The following RFPL4AL1 variants were observed in gnomAD, a reference collection of about 807,000 sequenced individuals.
RFPL4AL1 encodes the protein ret finger protein-like 4A-like protein 1.
In RFPL4AL1, 2 loss-of-function variants were observed where a neutral mutation model predicts 8.2. The observed-to-expected ratio is 0.24, with a 90% CI of 0.10 to 0.77. RFPL4AL1 has a LOEUF of 0.77. Ranked by LOEUF, RFPL4AL1 falls within the 30% of genes least tolerant of loss-of-function variation. The pLI, the probability that RFPL4AL1 is intolerant of heterozygous loss-of-function variation, is 0.72. For missense variants in RFPL4AL1, 57 were observed against 350.3 expected, an observed-to-expected ratio of 0.16 and a Z score of 6.68; for synonymous variants, 25 against 131.8, an observed-to-expected ratio of 0.19 and a Z score of 5.55.
chr19:55,771,700 T>A (rs1223283706), intron 1 of RFPL4AL1, 96 bp from the exon 2 acceptor site: 1 of 1,260,188 alleles, frequency 7.9e-7, no homozygotes, highest in Non-Finnish European at 1.1e-6. Flanking sequence ...GGTGCCATGA[T>A]AGCTCCATGC....
Position 55,770,997 on chromosome 19 carries a change from G to A in RFPL4AL1, c.-9-799G>A, listed in dbSNP as rs62127016. Among the ~76,000 whole-genome samples, 505 of 151,538 alleles carry A rather than the reference G, an allele frequency of 3.3e-3. 6 individuals are homozygous for A. The highest frequency in any genetic ancestry group is 5.0e-3 in the Non-Finnish European group (342 of 67,808). On this transcript the variant is annotated intron_variant, in intron 1 of 2. Transcript: ENST00000341750. Reference sequence around the variant, plus strand: ...TTTGGCTTTTTTTTCTTTTTGCTACGGCCTTGAAAATATTCCTTATATATT... The same window carrying A: ...TTTGGCTTTTTTTTCTTTTTGCTACAGCCTTGAAAATATTCCTTATATATT...
chr19:55,770,551 T>C (rs1304274280), intron 1 of RFPL4AL1, among the ~76,000 whole-genome samples: 2 of 151,844 alleles, frequency 1.3e-5, no homozygotes, highest in African/African-American at 4.8e-5. Flanking sequence ...AAAGCAGAGA[T>C]TTTTTAGAAT....
At position 55,771,294 on chromosome 19, in the gene RFPL4AL1, T is replaced by G. The variant is rs1301166946; in HGVS notation, c.-9-502T>G. On this transcript the variant is annotated intron_variant, in intron 1 of 2. Coordinates refer to ENST00000341750, the MANE Select transcript of RFPL4AL1 (RefSeq NM_001277397.2). ...ACCCATATATGTAATTGTAAATTCA[T>G]TTTCTGGTAGTCACATAAAATAGAA... Among the ~76,000 whole-genome samples the G allele has an allele frequency of 4.2e-3, 623 of 149,328 alleles. 3 individuals are homozygous for G. Among genetic ancestry groups the G allele is most frequent in the African/African-American group, 0.014 (541 of 38,806 alleles).
intron 1 of RFPL4AL1, among the ~76,000 whole-genome samples, chr19:55,770,574 C>A (rs1331370852): frequency 6.6e-6 from 1 of 151,834 alleles, no homozygotes; most frequent in African/African-American, 2.4e-5. Context: ...GTGAGGTACC[C>A]ATTTTTGTAC....
At chr19:55,769,728 T>C (rs910483399) in intron 1 of RFPL4AL1, among the ~76,000 whole-genome samples, 4 of 151,850 alleles carry the variant, frequency 2.6e-5, no homozygotes, top group African/African-American at 9.7e-5. Context: ...TCGCTCTGTC[T>C]GCCAGGCTGG....
intron 2 of RFPL4AL1, among the ~76,000 whole-genome samples, 176 bp from the exon 3 acceptor site, chr19:55,772,426 A>G (rs1381363606): frequency 2.3e-5 from 3 of 130,054 alleles, no homozygotes; most frequent in Non-Finnish European, 3.4e-5. Context: ...CATGCAACCT[A>G]TAGATACAAT....
At chr19:55,771,196 T>C (rs1330330260) in intron 1 of RFPL4AL1, among the ~76,000 whole-genome samples, 1 of 149,828 alleles carries the variant, frequency 6.7e-6, no homozygotes, top group South Asian at 2.2e-4. Flanking sequence ...TTTCACCACA[T>C]GCAGTTTGCA....
chr19:55,769,844 A>G (rs898877399), intron 1 of RFPL4AL1, among the ~76,000 whole-genome samples: 2 of 151,890 alleles, frequency 1.3e-5, no homozygotes, highest in Admixed American at 6.6e-5. Context: ...TTCACTTCCC[A>G]TCATGCCCTC....
Position 55,769,590 on chromosome 19 carries a change from G to A in RFPL4AL1, c.-10+415G>A, listed in dbSNP as rs557174200. ...TTTTGTTCCTTTTAATTCAGAAGGAGAAAGGGAAGGAAATGAAAAGCAACG... is the reference window on the plus strand; with the variant it reads ...TTTTGTTCCTTTTAATTCAGAAGGAAAAAGGGAAGGAAATGAAAAGCAACG... On this transcript the variant is annotated intron_variant, in intron 1 of 2. Coordinates refer to ENST00000341750, the MANE Select transcript of RFPL4AL1 (RefSeq NM_001277397.2). 3.3e-5 allele frequency among the ~76,000 whole-genome samples: 5 copies of A among 151,910 alleles called. No individual in the cohort carries two copies. The East Asian group carries it at 9.6e-4, about 29-fold the overall frequency.
intron 1 of RFPL4AL1, among the ~76,000 whole-genome samples, chr19:55,770,092 ATTC>A (rs1320598643): frequency 1.3e-5 from 2 of 151,976 alleles, no homozygotes; most frequent in Non-Finnish European, 2.9e-5. Flanking sequence ...AGGCAGTTCT[ATTC>A]TTCATGTTTT....
At chr19:55,771,702 G>T (rs1364557421) in intron 1 of RFPL4AL1, 94 bp from the exon 2 acceptor site, 4 of 1,285,552 alleles carry the variant, frequency 3.1e-6, no homozygotes, top group Non-Finnish European at 4.3e-6. Flanking sequence ...TGCCATGATA[G>T]CTCCATGCAT....
chr19:55,771,080 T>G lies in RFPL4AL1; in HGVS notation c.-9-716T>G, dbSNP rs1367517342. On this transcript the variant is annotated intron_variant, in intron 1 of 2. Transcript: ENST00000341750. The stretch of plus-strand genomic sequence containing the variant: ...GCTTGTTTGGTTTCTTTTAGTTCTG[T>G]TTTTTGTTTTTTTTTTTTTTTTTTT... Among the ~76,000 whole-genome samples, 5 of 71,158 alleles carry G rather than the reference T, an allele frequency of 7.0e-5. No homozygotes were observed. In the Admixed American group the frequency reaches 8.3e-4, roughly 12 times the overall value. 46.7% of individuals were successfully genotyped at this position (71,158 alleles called of 152,430 possible).
At chr19:55,769,603 A>G (rs573860299) in intron 1 of RFPL4AL1, among the ~76,000 whole-genome samples, 10 of 151,962 alleles carry the variant, frequency 6.6e-5, no homozygotes, top group African/African-American at 2.4e-4. Flanking sequence ...AGGGAAGGAA[A>G]TGAAAAGCAA....
At chr19:55,770,770 C>T (rs1488913284) in intron 1 of RFPL4AL1, among the ~76,000 whole-genome samples, 1 of 151,916 alleles carries the variant, frequency 6.6e-6, no homozygotes, top group Non-Finnish European at 1.5e-5. Context: ...ATTTTAAAAG[C>T]CACTGTTTTG....
Position 55,770,260 on chromosome 19 carries a change from G to A in RFPL4AL1, c.-10+1085G>A, listed in dbSNP as rs550731008. ...AGCAGAGAGGGGGTAATATCTCATC[G>A]CGGTTTTATTGCTGGAGGGCTCAGG... On this transcript the variant is annotated intron_variant, in intron 1 of 2. Coordinates refer to ENST00000341750, the MANE Select transcript of RFPL4AL1 (RefSeq NM_001277397.2). Among the ~76,000 whole-genome samples the A allele has an allele frequency of 5.3e-5, 8 of 151,968 alleles. No homozygotes were observed. The South Asian group carries it at 6.2e-4, about 12-fold the overall frequency.
Position 55,772,623 on chromosome 19 carries a change from A to T in RFPL4AL1, c.308A>T (p.Asp103Val). Residue 103 changes from aspartate to valine, a missense_variant, in exon 3 of 3, where the codon GAC becomes GTC. Coordinates refer to ENST00000341750, the MANE Select transcript of RFPL4AL1 (RefSeq NM_001277397.2). The stretch of plus-strand genomic sequence containing the variant: ...ACAGTGGATATGACCTTCGATGTGG[A>T]CACAGCCAACAACTATCTCATCATT... ...KFQVDMTFDV[D>V]TANNYLIISE... is the part of the protein sequence containing the mutation. 7.5e-7 allele frequency: 1 copy of T among 1,332,776 alleles called. No homozygotes were observed. The highest frequency in any genetic ancestry group is 1.0e-6 in the Non-Finnish European group (1 of 962,106). The allele number at this position is 1,332,776 out of a possible 1,614,324, so 82.6% of individuals were successfully genotyped here. A position where few individuals can be genotyped will look rare whatever the true frequency, so the allele number is the denominator to read the frequency against.
intron 1 of RFPL4AL1, among the ~76,000 whole-genome samples, chr19:55,770,753 G>T (rs1274331500): frequency 6.6e-6 from 1 of 151,930 alleles, no homozygotes; most frequent in African/African-American, 2.4e-5. Context: ...TTAATGACAA[G>T]TGGCTAATTT....
At position 55,771,626 on chromosome 19, in the gene RFPL4AL1, C is replaced by G. The variant is rs994839612; in HGVS notation, c.-9-170C>G. ...ATTACAGATATTAGAAGTTCAGGGC[C>G]TCGAGTCATTGACATTTGTATTCAT... On this transcript the variant is annotated intron_variant, in intron 1 of 2. Coordinates refer to ENST00000341750, the MANE Select transcript of RFPL4AL1 (RefSeq NM_001277397.2). Among the ~76,000 whole-genome samples, 3 of 138,046 alleles carry G rather than the reference C, an allele frequency of 2.2e-5. No homozygotes were observed. The Admixed American group carries it at 2.3e-4, about 11-fold the overall frequency. The allele number at this position is 138,046 out of a possible 152,430, so 90.6% of individuals were successfully genotyped here.
Position 55,769,546 on chromosome 19 carries a change from AT to A in RFPL4AL1, c.-10+381del, listed in dbSNP as rs61620824. On this transcript the variant is annotated intron_variant, in intron 1 of 2. Transcript: ENST00000341750. ...ACCATCATTCTTCTCTTATTTTCTG[AT>A]TTTTTTTTTGTTCAGTTTTTTGTTC... Among the ~76,000 whole-genome samples, 70 of 148,062 alleles carry A rather than the reference AT, an allele frequency of 4.7e-4. 2 individuals are homozygous for A. Among genetic ancestry groups the A allele is most frequent in the East Asian group, 3.9e-4 (2 of 5,106 alleles).
Sources: allele counts gnomAD v4.1 joint callset (sites outside exome capture counted in the v4.1 genomes callset), GRCh38; gene constraint gnomAD v4.1.1; transcripts MANE v1.5; gene names NCBI Gene and HGNC (gene_info 2026-07-23, HGNC 2026-07-21).